Variants in TRAP1 observed in about 807,000 individuals in gnomAD.
The protein encoded by TRAP1 is heat shock protein 75 kDa, mitochondrial.
A neutral mutation model predicts 89.1 loss-of-function variants in TRAP1; 102 were observed. The observed-to-expected ratio is 1.15, with a 90% confidence interval of 0.98 to 1.35. TRAP1 has a LOEUF of 1.35. Among genes scored for constraint, TRAP1 ranks in the 40% most tolerant of loss-of-function variants. TRAP1 has a pLI of 0.00. For missense variants in TRAP1, 1,256 were observed against 945.3 expected (o/e 1.33, Z -4.31); for synonymous variants, 508 against 388.0 (o/e 1.31, Z -3.64).
Position 3,677,695 on chromosome 16 carries a change from C to G in TRAP1, c.544-37G>C, listed in dbSNP as rs1470845758. 1.9e-6 allele frequency: 3 copies of G among 1,599,340 alleles called. No homozygotes were observed. The Admixed American group carries it at 5.1e-5, about 27-fold the overall frequency. On this transcript the variant is annotated intron_variant, in intron 5 of 17. Coordinates refer to ENST00000246957, the MANE Select transcript of TRAP1 (RefSeq NM_016292.3). ...AGGCCAGTTAGTGAGGCAGCCTCCC[C>G]TCCAGAGAGCAGACACTCCCAACAC...
At chr16:3,685,525 C>T (rs1291499555) in intron 4 of TRAP1, among the ~76,000 whole-genome samples, 1 of 152,006 alleles carries the variant, frequency 6.6e-6, no homozygotes, top group Admixed American at 6.6e-5. Context: ...GGTCCTGAGG[C>T]AGCTGTCTTT....
intron 15 of TRAP1, chr16:3,662,590 T>G (rs2043148399): frequency 1.6e-6 from 1 of 620,430 alleles, no homozygotes; most frequent in Non-Finnish European, 3.0e-6. Flanking sequence ...GTCCCTTGTT[T>G]GGAACCCCCA....
chr16:3,684,270 T>C (rs1156383897), intron 4 of TRAP1, among the ~76,000 whole-genome samples: 1 of 152,242 alleles, frequency 6.6e-6, no homozygotes, highest in Admixed American at 6.5e-5. Flanking sequence ...GGAATGATAC[T>C]GTTGTAAGAT....
intron 16 of TRAP1, chr16:3,661,606 C>T (rs759825671): frequency 5.0e-6 from 1 of 199,170 alleles, no homozygotes; most frequent in Admixed American, 6.0e-5. Context: ...CTTGTGGCAG[C>T]CCCTCTGCAT....
At chr16:3,716,419 TA>T (rs2051598618) in intron 1 of TRAP1, among the ~76,000 whole-genome samples, 1 of 152,174 alleles carries the variant, frequency 6.6e-6, no homozygotes, top group Non-Finnish European at 1.5e-5. Context: ...AGCATTGTAA[TA>T]AAAAGTAAAA....
At chr16:3,659,687 G>A (rs1348764900) in intron 16 of TRAP1, 1 of 152,070 alleles carries the variant, frequency 6.6e-6, no homozygotes, top group African/African-American at 2.4e-5. Flanking sequence ...ACCACATGTG[G>A]ATGATATGCT....
chr16:3,676,038 C>T lies in TRAP1; in HGVS notation c.812G>A (p.Arg271Gln), dbSNP rs201753276. The change falls in exon 7 of 18, where the codon CGA becomes CAA. Residue 271 changes from arginine to glutamine, a missense_variant and splice_region_variant. Physicochemically the swap from Arg to Gln is conservative, Grantham distance 43. Transcript: ENST00000246957. The part of the protein sequence containing the change: ...CKEFSSEARV[R>Q]DVVTKYSNFV... Reference sequence around the variant, plus strand: ...CCTGGGCCCGGGCTCCCGCTCACCTCGCACCCGGGCCTCGCTGGAAAACTC... The same window carrying T: ...CCTGGGCCCGGGCTCCCGCTCACCTTGCACCCGGGCCTCGCTGGAAAACTC... The T allele has an allele frequency of 4.6e-5, 74 of 1,612,528 alleles. No individual in the cohort carries two copies. Among genetic ancestry groups the T allele is most frequent in the East Asian group, 8.9e-5 (4 of 44,830 alleles).
intron 11 of TRAP1, among the ~76,000 whole-genome samples, chr16:3,668,033 A>T (rs1011598840): frequency 6.6e-6 from 1 of 150,628 alleles, no homozygotes; most frequent in African/African-American, 2.5e-5. Context: ...GGTTCAAGCA[A>T]TTCTCTGCCT....
At chr16:3,705,900 T>C (rs1432304683) in intron 1 of TRAP1, among the ~76,000 whole-genome samples, 14 of 151,366 alleles carry the variant, frequency 9.2e-5, no homozygotes, top group Admixed American at 8.6e-4. Flanking sequence ...TCCATGTTGG[T>C]CAGGCTGGTC....
chr16:3,687,615 G>A (rs1049077611), intron 3 of TRAP1, among the ~76,000 whole-genome samples: 7 of 152,072 alleles, frequency 4.6e-5, no homozygotes, highest in African/African-American at 1.7e-4. Flanking sequence ...CGGGTGTGGT[G>A]GCTCACACCT....
intron 1 of TRAP1, among the ~76,000 whole-genome samples, chr16:3,699,648 A>G (rs1567242099): frequency 6.6e-6 from 1 of 151,746 alleles, no homozygotes; most frequent in Non-Finnish European, 1.5e-5. Flanking sequence ...AAAAAAAAAA[A>G]AAAGATTTAT....
chr16:3,708,747 C>T (rs1358675662), intron 1 of TRAP1, among the ~76,000 whole-genome samples: 3 of 151,368 alleles, frequency 2.0e-5, no homozygotes, highest in Admixed American at 2.0e-4. Context: ...CCTCGGGAGG[C>T]GGAGGTTACA....
At chr16:3,713,037 C>T (rs557120480) in intron 1 of TRAP1, among the ~76,000 whole-genome samples, 3 of 152,324 alleles carry the variant, frequency 2.0e-5, no homozygotes, top group East Asian at 1.9e-4. Flanking sequence ...AGTGCCAGCA[C>T]CACAGCTTAA....
At chr16:3,662,327 C>T (rs1220893216) in intron 15 of TRAP1, 195 bp from the exon 16 acceptor site, 1 of 696,674 alleles carries the variant, frequency 1.4e-6, no homozygotes, top group Non-Finnish European at 2.3e-6. Context: ...CGCAAAGATA[C>T]TGTGCCCGAG....
chr16:3,672,837 C>G lies in TRAP1; in HGVS notation c.1045-17G>C. On this transcript the variant is annotated splice_polypyrimidine_tract_variant and intron_variant, in intron 9 of 17. Coordinates refer to ENST00000246957, the MANE Select transcript of TRAP1 (RefSeq NM_016292.3). Reference sequence around the variant, plus strand: ...GGACGGTTTCTGGGGGTGAGGAGAACACGCCATCATGCAGCACTGACCCTC... The same window carrying G: ...GGACGGTTTCTGGGGGTGAGGAGAAGACGCCATCATGCAGCACTGACCCTC... 6.2e-7 allele frequency: 1 copy of G among 1,609,068 alleles called. No homozygotes were observed. The highest frequency in any genetic ancestry group is 8.5e-7 in the Non-Finnish European group (1 of 1,178,192).
At chr16:3,662,319 C>G in intron 15 of TRAP1, 187 bp from the exon 16 acceptor site, 1 of 715,906 alleles carries the variant, frequency 1.4e-6, no homozygotes, top group Non-Finnish European at 2.2e-6. Context: ...ATGCCCCACG[C>G]AAAGATACTG....
Position 3,658,647 on chromosome 16 carries a change from T to C in TRAP1, c.2013+146A>G, listed in dbSNP as rs182179812. ...AAGATCGCGCCACTGCACTCCAGCC[T>C]GGCAACAGAGCAACACTCCATCTCA... On this transcript the variant is annotated intron_variant, in intron 17 of 17. Coordinates refer to ENST00000246957, the MANE Select transcript of TRAP1 (RefSeq NM_016292.3). The C allele has an allele frequency of 9.5e-3, 7,509 of 792,530 alleles. 64 individuals are homozygous for C. Among genetic ancestry groups the C allele is most frequent in the Non-Finnish European group, 0.013 (6,632 of 500,206 alleles). The allele number at this position is 792,530 out of a possible 1,614,324, so 49.1% of individuals were successfully genotyped here. A position where few individuals can be genotyped will look rare whatever the true frequency, so the allele number is the denominator to read the frequency against.
At chr16:3,696,885 C>T (rs1388093242) in intron 1 of TRAP1, among the ~76,000 whole-genome samples, 1 of 152,034 alleles carries the variant, frequency 6.6e-6, no homozygotes, top group African/African-American at 2.4e-5. Context: ...TGCCACCATA[C>T]CCGGCTAATT....
intron 4 of TRAP1, chr16:3,680,083 C>T (rs1168289371): frequency 1.0e-5 from 3 of 294,714 alleles, no homozygotes; most frequent in African/African-American, 6.4e-5. Context: ...AGAAATTAGC[C>T]AGGCATGATG....
Sources: gnomAD v4.1 joint callset for allele counts (sites outside exome capture counted in the v4.1 genomes callset) on GRCh38, gnomAD v4.1.1 for gene constraint, MANE v1.5 for transcripts, NCBI Gene and HGNC (gene_info 2026-07-23, HGNC 2026-07-21) for gene names.